Variants in SLC25A13 observed in about 807,000 individuals in gnomAD.
The protein encoded by SLC25A13 is electrogenic aspartate/glutamate antiporter SLC25A13, mitochondrial.
A neutral mutation model predicts 85.5 loss-of-function variants in SLC25A13; 70 were observed. That is an observed-to-expected ratio of 0.82 (90% CI 0.68 to 1.00). The LOEUF is 1.00. Among genes scored for constraint, SLC25A13 ranks in the 50% least tolerant of loss-of-function variants. The pLI is 0.00. For synonymous variants in SLC25A13, 259 were observed against 288.7 expected (o/e 0.90, Z 1.04); for missense variants, 765 against 819.8 (o/e 0.93, Z 0.82).
At chr7:96,154,444 G>A (rs919728348) in intron 13 of SLC25A13, among the ~76,000 whole-genome samples, 4 of 151,912 alleles carry the variant, frequency 2.6e-5, no homozygotes, top group African/African-American at 9.7e-5. Flanking sequence ...CTACAGGTGC[G>A]TGCCACGACA....
chr7:96,189,746 C>T, intron 7 of SLC25A13, 72 bp from the exon 8 acceptor site: 2 of 1,206,262 alleles, frequency 1.7e-6, no homozygotes, highest in Non-Finnish European at 2.5e-6. Context: ...TAACTCAAGG[C>T]ACTGGAATGA....
In SLC25A13 at chr7:96,239,037, TTATATATATATA is replaced by T. The variant is rs58990918; in HGVS notation, c.213-4132_213-4121del. Reference sequence around the variant, plus strand: ...TATATTATATATATGACTATATATTTTATATATATATATATATATATATATATATATGTATGT... The same window carrying T: ...TATATTATATATATGACTATATATTTTATATATATATATATATATGTATGT... On this transcript the variant is annotated intron_variant, in intron 3 of 17. Coordinates refer to ENST00000265631, the MANE Select transcript of SLC25A13 (RefSeq NM_014251.3). 7.9e-4 allele frequency among the ~76,000 whole-genome samples: 104 copies of T among 130,888 alleles called. 1 individual carries two copies. The highest frequency in any genetic ancestry group is 2.9e-3 in the African/African-American group (96 of 33,652). 85.9% of individuals were successfully genotyped at this position (130,888 alleles called of 152,430 possible).
chr7:96,177,498 A>C (rs1279172339), intron 11 of SLC25A13, among the ~76,000 whole-genome samples: 1 of 152,196 alleles, frequency 6.6e-6, no homozygotes, highest in Non-Finnish European at 1.5e-5. Context: ...TTCAATTCTG[A>C]CTTTGCTATT....
intron 9 of SLC25A13, among the ~76,000 whole-genome samples, 183 bp downstream of exon 9, chr7:96,189,111 G>A (rs1160634599): frequency 6.6e-6 from 1 of 152,198 alleles, no homozygotes; most frequent in East Asian, 1.9e-4. Context: ...CCAAATACCT[G>A]TTTATCACAC....
chr7:96,250,177 ACT>A (rs1321154447), intron 3 of SLC25A13, among the ~76,000 whole-genome samples: 3 of 151,960 alleles, frequency 2.0e-5, no homozygotes, highest in Admixed American at 1.3e-4. Flanking sequence ...ATAAAGTGAG[ACT>A]CTGTCTCAAA....
intron 11 of SLC25A13, among the ~76,000 whole-genome samples, chr7:96,183,266 G>A (rs992327915): frequency 2.0e-5 from 3 of 152,180 alleles, no homozygotes; most frequent in Non-Finnish European, 4.4e-5. Context: ...CTTCTAAGGT[G>A]AGAGGTTTCA....
chr7:96,129,537 A>C (rs983303724), intron 15 of SLC25A13, among the ~76,000 whole-genome samples: 5 of 152,246 alleles, frequency 3.3e-5, no homozygotes, highest in African/African-American at 1.2e-4. Flanking sequence ...GGAAAAAATT[A>C]AAGTATCTAA....
chr7:96,314,032 G>A (rs1382359017), intron 1 of SLC25A13, among the ~76,000 whole-genome samples: 1 of 152,000 alleles, frequency 6.6e-6, no homozygotes, highest in Non-Finnish European at 1.5e-5. Context: ...CATATGTCAT[G>A]CTGCTAAACA....
intron 4 of SLC25A13, among the ~76,000 whole-genome samples, chr7:96,217,836 T>C (rs995847779): frequency 6.7e-6 from 1 of 149,690 alleles, no homozygotes; most frequent in Non-Finnish European, 1.5e-5. Context: ...AATCTGTGAA[T>C]ATATTAAAAA....
Position 96,194,442 on chromosome 7 carries a change from C to CA in SLC25A13, c.469-1260dup, listed in dbSNP as rs546248549. 2.4e-3 allele frequency among the ~76,000 whole-genome samples: 66 copies of CA among 27,690 alleles called. 4 individuals are homozygous for CA. The highest frequency in any genetic ancestry group is 5.2e-3 in the African/African-American group (48 of 9,248). 18.2% of individuals were successfully genotyped at this position (27,690 alleles called of 152,430 possible). A position where few individuals can be genotyped will look rare whatever the true frequency, so the allele number is the denominator to read the frequency against. On this transcript the variant is annotated intron_variant, in intron 5 of 17. Coordinates refer to ENST00000265631, the MANE Select transcript of SLC25A13 (RefSeq NM_014251.3). ...TGGGTGACAGAGTGAAACCTTGTCT[C>CA]AAAAAAAAAAAAAAAAAAAAAAAAA...
chr7:96,167,794 C>T (rs1793815910), intron 13 of SLC25A13, among the ~76,000 whole-genome samples: 1 of 152,140 alleles, frequency 6.6e-6, no homozygotes, highest in African/African-American at 2.4e-5. Context: ...AAGAAAGATG[C>T]TGCTATTACT....
chr7:96,187,245 CATGATA>C (rs1794675807), intron 9 of SLC25A13, among the ~76,000 whole-genome samples: 1 of 152,166 alleles, frequency 6.6e-6, no homozygotes, highest in Non-Finnish European at 1.5e-5. Flanking sequence ...TTTCAGAATC[CATGATA>C]ATTAAAATCA....
intron 1 of SLC25A13, among the ~76,000 whole-genome samples, chr7:96,320,026 A>T (rs1483747168): frequency 3.3e-5 from 5 of 152,210 alleles, no homozygotes. Flanking sequence ...TGTTTTTGAG[A>T]CAGGGTCTTG....
At chr7:96,262,746 T>C (rs940195486) in intron 3 of SLC25A13, among the ~76,000 whole-genome samples, 16 of 152,190 alleles carry the variant, frequency 1.1e-4, no homozygotes, top group African/African-American at 3.6e-4. Flanking sequence ...TTCTTCTCTA[T>C]GCATAGAAAG....
intron 13 of SLC25A13, among the ~76,000 whole-genome samples, chr7:96,152,218 C>G (rs992695075): frequency 6.6e-6 from 1 of 152,144 alleles, no homozygotes; most frequent in Non-Finnish European, 1.5e-5. Flanking sequence ...CTGCCTAGAA[C>G]AGGCTGCATT....
intron 1 of SLC25A13, among the ~76,000 whole-genome samples, chr7:96,318,266 C>T (rs1279541154): frequency 6.6e-6 from 1 of 152,168 alleles, no homozygotes; most frequent in African/African-American, 2.4e-5. Flanking sequence ...AGGTTAATTA[C>T]ATCATTCGTA....
intron 10 of SLC25A13, 131 bp downstream of exon 10, chr7:96,184,796 A>G: frequency 1.2e-6 from 1 of 813,070 alleles, no homozygotes; most frequent in Non-Finnish European, 2.1e-6. Flanking sequence ...CCTACCTCAC[A>G]GGTAGAAACT....
At chr7:96,202,270 T>C (rs1427907984) in intron 5 of SLC25A13, among the ~76,000 whole-genome samples, 2 of 152,190 alleles carry the variant, frequency 1.3e-5, no homozygotes, top group Non-Finnish European at 2.9e-5. Context: ...ATCCCCAGGT[T>C]CTATTCCTAG....
At position 96,321,960 on chromosome 7, in the gene SLC25A13, T is replaced by C; in HGVS notation, c.-4A>G. On this transcript the variant is annotated 5_prime_UTR_variant, in exon 1 of 18. Coordinates refer to ENST00000265631, the MANE Select transcript of SLC25A13 (RefSeq NM_014251.3). ...CGGTTACCTTGGCGGCCGCCATGATTCGCCCCGGTTGCGGGCGACTGCGGG... is the reference window on the plus strand; with the variant it reads ...CGGTTACCTTGGCGGCCGCCATGATCCGCCCCGGTTGCGGGCGACTGCGGG... 1 of 1,540,674 alleles carries C rather than the reference T, an allele frequency of 6.5e-7. No homozygotes were observed. Among genetic ancestry groups the C allele is most frequent in the Non-Finnish European group, 8.7e-7 (1 of 1,145,144 alleles).
Sources: gnomAD v4.1 joint callset for allele counts (sites outside exome capture counted in the v4.1 genomes callset) on GRCh38, gnomAD v4.1.1 for gene constraint, MANE v1.5 for transcripts, NCBI Gene and HGNC (gene_info 2026-07-23, HGNC 2026-07-21) for gene names.